ELMO1: variants seen among roughly 807,000 people sequenced by gnomAD.
ELMO1 encodes the protein engulfment and cell motility 1.
Under a neutral mutation model 98.9 loss-of-function variants are expected in ELMO1, and 26 were observed. The observed-to-expected ratio is 0.26, with a 90% CI of 0.19 to 0.36. ELMO1 has a LOEUF of 0.36. ELMO1 is among the 10% of genes least tolerant of loss of function. The pLI is 1.00. For missense variants in ELMO1, 627 were observed against 935.2 expected (o/e 0.67, Z 4.30); for synonymous variants, 346 against 346.0 (o/e 1.00, Z 0.00).
At chr7:37,002,545 T>C (rs1001959741) in intron 16 of ELMO1, among the ~76,000 whole-genome samples, 8 of 152,346 alleles carry the variant, frequency 5.3e-5, no homozygotes, top group African/African-American at 1.9e-4. Context: ...GACTAGCCCA[T>C]AAATTTCTAA....
chr7:37,084,629 T>C (rs1783665124), intron 15 of ELMO1, among the ~76,000 whole-genome samples: 2 of 152,228 alleles, frequency 1.3e-5, no homozygotes, highest in South Asian at 4.1e-4. Context: ...AGGTTCCTTA[T>C]TTGTAAATGA....
chr7:37,201,574 T>G (rs1261087066), intron 13 of ELMO1, among the ~76,000 whole-genome samples: 1 of 152,232 alleles, frequency 6.6e-6, no homozygotes, highest in African/African-American at 2.4e-5. Context: ...TTCTAGTTCC[T>G]ACCGGGTCCT....
chr7:36,990,201 T>C, intron 16 of ELMO1, among the ~76,000 whole-genome samples: 1 of 152,220 alleles, frequency 6.6e-6, no homozygotes, highest in East Asian at 1.9e-4. Context: ...TTAGTTAACC[T>C]GGACTTTCTG....
intron 14 of ELMO1, among the ~76,000 whole-genome samples, chr7:37,104,010 CA>C (rs35979251): frequency 3.8e-4 from 11 of 29,012 alleles, no homozygotes; most frequent in Admixed American, 1.5e-3. Flanking sequence ...GACTCCATCT[CA>C]AAAAAAAAAA....
At chr7:37,433,934 G>A (rs753287303) in intron 1 of ELMO1, among the ~76,000 whole-genome samples, 4 of 152,046 alleles carry the variant, frequency 2.6e-5, no homozygotes, top group African/African-American at 7.2e-5. Flanking sequence ...GCCTGTCCCC[G>A]AACCTCATCT....
chr7:37,366,990 G>A (rs1257137423), intron 1 of ELMO1, among the ~76,000 whole-genome samples: 2 of 152,168 alleles, frequency 1.3e-5, no homozygotes, highest in Non-Finnish European at 2.9e-5. Flanking sequence ...ATCAATAAAA[G>A]CAAAATCTCT....
intron 13 of ELMO1, among the ~76,000 whole-genome samples, chr7:37,192,095 G>A (rs936015285): frequency 4.6e-5 from 7 of 152,202 alleles, no homozygotes; most frequent in African/African-American, 1.7e-4. Context: ...TGGAAGGTGG[G>A]ACTATGAGTG....
intron 15 of ELMO1, among the ~76,000 whole-genome samples, chr7:37,019,389 T>G (rs117197754): frequency 6.6e-6 from 1 of 152,256 alleles, no homozygotes; most frequent in South Asian, 2.1e-4. Context: ...TTTTGTGTAT[T>G]TGGATACAAA....
chr7:37,181,330 A>G (rs1334064836), intron 13 of ELMO1, among the ~76,000 whole-genome samples: 1 of 151,968 alleles, frequency 6.6e-6, no homozygotes, highest in East Asian at 1.9e-4. Context: ...AGTCACCGAG[A>G]AGGAGGATGC....
intron 15 of ELMO1, among the ~76,000 whole-genome samples, chr7:37,061,445 C>T (rs1796661848): frequency 6.6e-6 from 1 of 152,110 alleles, no homozygotes; most frequent in Non-Finnish European, 1.5e-5. Flanking sequence ...CTAGAGTTGC[C>T]CCCAGAATTC....
chr7:37,317,785 A>T (rs1799270986), intron 2 of ELMO1, among the ~76,000 whole-genome samples: 1 of 152,240 alleles, frequency 6.6e-6, no homozygotes, highest in Non-Finnish European at 1.5e-5. Flanking sequence ...GACTATAGTC[A>T]ATAATTTAAT....
intron 16 of ELMO1, among the ~76,000 whole-genome samples, chr7:36,898,801 C>T (rs762300126): frequency 1.3e-5 from 2 of 152,184 alleles, no homozygotes; most frequent in Admixed American, 6.5e-5. Flanking sequence ...CAAGGAATGA[C>T]GCGACACTGG....
chr7:37,111,741 G>A (rs1785260518), intron 14 of ELMO1, among the ~76,000 whole-genome samples: 1 of 152,140 alleles, frequency 6.6e-6, no homozygotes, highest in African/African-American at 2.4e-5. Context: ...ACCATAGCCT[G>A]GAAACATTCA....
At chr7:37,218,706 G>C (rs1219013963) in intron 10 of ELMO1, among the ~76,000 whole-genome samples, 3 of 152,184 alleles carry the variant, frequency 2.0e-5, no homozygotes, top group African/African-American at 7.2e-5. Context: ...AATGCATGTA[G>C]TATGCTCACA....
intron 16 of ELMO1, among the ~76,000 whole-genome samples, chr7:36,948,135 A>G (rs1020378263): frequency 6.6e-6 from 1 of 152,318 alleles, no homozygotes; most frequent in South Asian, 2.1e-4. Flanking sequence ...ATCAAGAGGT[A>G]CTTGATTTTA....
At chr7:37,418,385 G>A (rs930441226) in intron 1 of ELMO1, among the ~76,000 whole-genome samples, 7 of 152,116 alleles carry the variant, frequency 4.6e-5, no homozygotes, top group Non-Finnish European at 8.8e-5. Context: ...ACCCCTGACA[G>A]CAGCCTGCAG....
intron 1 of ELMO1, among the ~76,000 whole-genome samples, chr7:37,385,589 C>T (rs979456265): frequency 6.6e-6 from 1 of 152,232 alleles, no homozygotes; most frequent in Non-Finnish European, 1.5e-5. Flanking sequence ...GAAATCATCT[C>T]AGACATTTGT....
At chr7:37,302,533 G>T (rs2131029717) in intron 4 of ELMO1, among the ~76,000 whole-genome samples, 1 of 152,094 alleles carries the variant, frequency 6.6e-6, no homozygotes, top group African/African-American at 2.4e-5. Context: ...GGGCACTCAA[G>T]TTTACCATCC....
At chr7:37,254,788 T>G (rs1795552376) in intron 6 of ELMO1, among the ~76,000 whole-genome samples, 2 of 152,258 alleles carry the variant, frequency 1.3e-5, no homozygotes, top group Admixed American at 6.5e-5. Context: ...AAGATATTAA[T>G]GAGTGTGATA....
Sources: allele counts gnomAD v4.1 joint callset (sites outside exome capture counted in the v4.1 genomes callset), GRCh38; gene constraint gnomAD v4.1.1; transcripts MANE v1.5; gene names NCBI Gene and HGNC (gene_info 2026-07-23, HGNC 2026-07-21).